ENAH: variants seen among roughly 807,000 people sequenced by gnomAD.
The protein encoded by ENAH is protein enabled homolog.
A neutral mutation model predicts 78.7 loss-of-function variants in ENAH; 23 were observed. That is an observed-to-expected ratio of 0.29 (90% CI 0.21 to 0.41). ENAH has a LOEUF of 0.41. ENAH is among the 10% of genes least tolerant of loss of function. The probability of loss-of-function intolerance (pLI) is 1.00; values close to 1 mark genes in which losing one functional copy is unlikely to be tolerated. For missense variants in ENAH, 544 were observed against 691.0 expected (o/e 0.79, Z 2.39); for synonymous variants, 226 against 241.0 (o/e 0.94, Z 0.58).
At chr1:225,544,580 T>C (rs1192566215) in intron 3 of ENAH, among the ~76,000 whole-genome samples, 1 of 152,344 alleles carries the variant, frequency 6.6e-6, no homozygotes, top group Non-Finnish European at 1.5e-5. Context: ...ACAAAAATAG[T>C]ATCTGCCTCT....
At chr1:225,607,570 G>A (rs1405613524) in intron 1 of ENAH, among the ~76,000 whole-genome samples, 1 of 148,770 alleles carries the variant, frequency 6.7e-6, no homozygotes, top group Non-Finnish European at 1.5e-5. Flanking sequence ...GCCATTCATC[G>A]AAATCCCAGA....
chr1:225,623,587 GT>G (rs10600222), intron 1 of ENAH, among the ~76,000 whole-genome samples: 54,445 of 137,318 alleles, frequency 0.4, 10,893 homozygotes, highest in Non-Finnish European at 0.47. Context: ...TTTTTGTTGG[GT>G]TTTTTTTTTT....
chr1:225,506,149 G>A (rs1031393071), intron 11 of ENAH, among the ~76,000 whole-genome samples: 2 of 152,122 alleles, frequency 1.3e-5, no homozygotes, highest in Admixed American at 1.3e-4. Flanking sequence ...CATCAACGTA[G>A]GCTTAGCTTT....
chr1:225,598,865 C>T (rs2096915937), intron 1 of ENAH, among the ~76,000 whole-genome samples: 1 of 149,684 alleles, frequency 6.7e-6, no homozygotes, highest in Non-Finnish European at 1.5e-5. Flanking sequence ...AAAAAAAAAT[C>T]AACGGGTGCT....
At chr1:225,535,751 A>C (rs1158892755) in intron 3 of ENAH, among the ~76,000 whole-genome samples, 1 of 152,170 alleles carries the variant, frequency 6.6e-6, no homozygotes, top group East Asian at 1.9e-4. Flanking sequence ...TCTTAAAAAA[A>C]TTTATGCAAT....
chr1:225,646,522 A>C (rs1249851028), intron 1 of ENAH, among the ~76,000 whole-genome samples: 1 of 152,154 alleles, frequency 6.6e-6, no homozygotes, highest in African/African-American at 2.4e-5. Context: ...CCAGAACCTT[A>C]AAATAAATGT....
chr1:225,564,027 T>C (rs1361556537), intron 2 of ENAH, among the ~76,000 whole-genome samples: 1 of 152,200 alleles, frequency 6.6e-6, no homozygotes, highest in Non-Finnish European at 1.5e-5. Flanking sequence ...AATATTTTAT[T>C]TCCTTCAGTA....
Position 225,491,520 on chromosome 1 carries a change from C to A in ENAH, c.*6255G>T, listed in dbSNP as rs574597202. ...AAAAAGAAAAAAAGAAAAGAGGTTT[C>A]ACAGATGTGACTAAAGCATGGACTG... On this transcript the variant is annotated 3_prime_UTR_variant, in exon 14 of 14. Coordinates refer to ENST00000366843, the MANE Select transcript of ENAH (RefSeq NM_018212.6). The A allele has an allele frequency of 2.0e-5, 3 of 151,008 alleles. No individual in the cohort carries two copies. The South Asian group carries it at 6.3e-4, about 32-fold the overall frequency. The allele number at this position is 151,008 out of a possible 1,614,324, so 9.4% of individuals were successfully genotyped here.
At chr1:225,557,554 A>C (rs1346180910) in intron 2 of ENAH, among the ~76,000 whole-genome samples, 1 of 152,166 alleles carries the variant, frequency 6.6e-6, no homozygotes, top group Non-Finnish European at 1.5e-5. Context: ...AGGCAGGTGG[A>C]TCATGCCTGT....
At chr1:225,580,838 T>G (rs529442606) in intron 1 of ENAH, among the ~76,000 whole-genome samples, 2 of 148,978 alleles carry the variant, frequency 1.3e-5, no homozygotes, top group South Asian at 4.2e-4. Flanking sequence ...AGGGTGGAAG[T>G]TGCAGTGAGC....
At chr1:225,646,884 A>C (rs1223014963) in intron 1 of ENAH, among the ~76,000 whole-genome samples, 1 of 152,226 alleles carries the variant, frequency 6.6e-6, no homozygotes, top group Non-Finnish European at 1.5e-5. Context: ...ATACTTCAAG[A>C]GTATCATACA....
chr1:225,565,669 G>T (rs1360153895), intron 2 of ENAH, among the ~76,000 whole-genome samples: 1 of 151,904 alleles, frequency 6.6e-6, no homozygotes, highest in African/African-American at 2.4e-5. Context: ...AACATCTTGG[G>T]GTGTATTTGA....
chr1:225,529,168 T>G (rs550799722), intron 4 of ENAH, among the ~76,000 whole-genome samples: 1 of 152,174 alleles, frequency 6.6e-6, no homozygotes, highest in African/African-American at 2.4e-5. Flanking sequence ...TGTTCAAAAC[T>G]GTACAATGGT....
intron 11 of ENAH, among the ~76,000 whole-genome samples, chr1:225,501,717 G>A (rs1288775195): frequency 6.6e-6 from 1 of 152,172 alleles, no homozygotes; most frequent in Non-Finnish European, 1.5e-5. Context: ...TGAATGGTGT[G>A]TTTCAGGCTA....
intron 1 of ENAH, among the ~76,000 whole-genome samples, chr1:225,644,847 A>T (rs1661660301): frequency 6.6e-6 from 1 of 152,202 alleles, no homozygotes; most frequent in East Asian, 1.9e-4. Flanking sequence ...CCCCAAAGAC[A>T]AAACTTTTGG....
intron 1 of ENAH, among the ~76,000 whole-genome samples, chr1:225,620,749 A>C (rs1656682245): frequency 6.6e-6 from 1 of 152,066 alleles, no homozygotes; most frequent in African/African-American, 2.4e-5. Context: ...TCACACCTGT[A>C]ATCCCAGCAC....
intron 1 of ENAH, among the ~76,000 whole-genome samples, chr1:225,603,043 A>G (rs778355321): frequency 6.6e-6 from 1 of 152,228 alleles, no homozygotes; most frequent in Non-Finnish European, 1.5e-5. Context: ...ACAGTAAGAG[A>G]TATGAGCACA....
intron 1 of ENAH, among the ~76,000 whole-genome samples, chr1:225,600,120 G>A (rs1210777186): frequency 1.3e-5 from 2 of 152,168 alleles, no homozygotes; most frequent in Admixed American, 1.3e-4. Context: ...GCAGAACCAT[G>A]AGCCAATTAA....
chr1:225,607,245 C>T (rs1314387528), intron 1 of ENAH, among the ~76,000 whole-genome samples: 3 of 152,078 alleles, frequency 2.0e-5, no homozygotes, highest in Admixed American at 6.6e-5. Flanking sequence ...AAAAACAAAT[C>T]GCAAAACAAA....
Sources: gnomAD v4.1 joint callset for allele counts (sites outside exome capture counted in the v4.1 genomes callset) on GRCh38, gnomAD v4.1.1 for gene constraint, MANE v1.5 for transcripts, NCBI Gene and HGNC (gene_info 2026-07-23, HGNC 2026-07-21) for gene names.